Variants in TMEFF1 observed in about 807,000 individuals in gnomAD.
The protein encoded by TMEFF1 is transmembrane protein with EGF like and two follistatin like domains 1, also known as tomoregulin-1.
TMEFF1 carries 20 observed loss-of-function variants against 47.5 expected under a neutral mutation model. That is an observed-to-expected ratio of 0.42 (90% CI 0.30 to 0.61). TMEFF1 has a LOEUF of 0.61. Among genes scored for constraint, TMEFF1 ranks in the 20% least tolerant of loss-of-function variants. The pLI is 0.19. For synonymous variants in TMEFF1, 162 were observed against 166.3 expected (o/e 0.97, Z 0.20); for missense variants, 411 against 471.1 (o/e 0.87, Z 1.18).
Position 100,577,221 on chromosome 9 carries a change from A to G in TMEFF1, c.*621A>G, listed in dbSNP as rs1353164719. On this transcript the variant is annotated 3_prime_UTR_variant, in exon 10 of 10. Transcript: ENST00000374879. ...TGGAACAGATCAATGAAAAGTAGAT[A>G]TAGATATTGTGAAAATAGGCTGTTT... 2 of 152,660 alleles carry G rather than the reference A, an allele frequency of 1.3e-5. No homozygotes were observed. The highest frequency in any genetic ancestry group is 2.9e-5 in the Non-Finnish European group (2 of 68,026). 9.5% of individuals were successfully genotyped at this position (152,660 alleles called of 1,614,324 possible).
intron 8 of TMEFF1, among the ~76,000 whole-genome samples, chr9:100,566,965 G>T (rs1839138325): frequency 6.6e-6 from 1 of 152,094 alleles, no homozygotes; most frequent in South Asian, 2.1e-4. Context: ...TGCGCAGGCT[G>T]GTCTCGAATT....
intron 5 of TMEFF1, among the ~76,000 whole-genome samples, chr9:100,541,990 C>T (rs993012323): frequency 1.5e-4 from 23 of 152,198 alleles, no homozygotes; most frequent in African/African-American, 4.8e-4. Context: ...TTTTATCCAG[C>T]CAACTACCTT....
chr9:100,487,588 A>G (rs578246999), intron 1 of TMEFF1, among the ~76,000 whole-genome samples: 2 of 152,252 alleles, frequency 1.3e-5, no homozygotes, highest in South Asian at 4.1e-4. Context: ...ACCTAGTTTT[A>G]AAAAAATTAT....
chr9:100,505,410 CAAAAAAAA>C (rs60312984), intron 2 of TMEFF1, among the ~76,000 whole-genome samples: 1 of 26,430 alleles, frequency 3.8e-5, no homozygotes, highest in Non-Finnish European at 6.1e-5. Flanking sequence ...GACCCTGTCT[CAAAAAAAA>C]AAAAAAAAAA....
chr9:100,515,675 A>ACT (rs1018917102), intron 4 of TMEFF1, among the ~76,000 whole-genome samples: 1 of 151,986 alleles, frequency 6.6e-6, no homozygotes, highest in African/African-American at 2.4e-5. Context: ...AATCCTGGCT[A>ACT]CTCAGGAGGC....
intron 5 of TMEFF1, among the ~76,000 whole-genome samples, chr9:100,528,350 T>C (rs1446347310): frequency 6.8e-6 from 1 of 147,814 alleles, no homozygotes; most frequent in Non-Finnish European, 1.5e-5. Flanking sequence ...TGAAAAAAAT[T>C]TAGAAGAATG....
chr9:100,563,483 G>A (rs1428365141), intron 8 of TMEFF1, among the ~76,000 whole-genome samples: 1 of 152,200 alleles, frequency 6.6e-6, no homozygotes, highest in African/African-American at 2.4e-5. Context: ...ACAGGTTAAA[G>A]GCTTTGAAAT....
At chr9:100,535,566 T>A (rs1838487031) in intron 5 of TMEFF1, among the ~76,000 whole-genome samples, 1 of 151,986 alleles carries the variant, frequency 6.6e-6, no homozygotes, top group Non-Finnish European at 1.5e-5. Context: ...GGGTCAGGAG[T>A]TGGAGACCAG....
intron 4 of TMEFF1, among the ~76,000 whole-genome samples, chr9:100,516,321 G>T (rs944931493): frequency 3.9e-5 from 6 of 152,118 alleles, no homozygotes; most frequent in Non-Finnish European, 8.8e-5. Context: ...CAACAGGAGG[G>T]TAATCACAGG....
In TMEFF1 at chr9:100,547,750, A is replaced by C. The variant is rs777624885; in HGVS notation, c.567A>C (p.Val189=). The C allele has an allele frequency of 6.3e-7, 1 of 1,577,290 alleles. No homozygotes were observed. Among genetic ancestry groups the C allele is most frequent in the Admixed American group, 1.9e-5 (1 of 53,250 alleles). The part of the protein sequence containing the change: ...CDEDAENVGC[V]CNIDCSGYSF... ...TTTTTGTCTTTTCCAACAGGTGTGT[A>C]TGTAATATAGATTGCAGTGGATACA... The change falls in exon 6 of 10, where the codon GTA becomes GTC. Residue 189 remains valine, a synonymous_variant. Transcript: ENST00000374879.
At chr9:100,548,045 A>G (rs890556088) in intron 6 of TMEFF1, among the ~76,000 whole-genome samples, 153 bp downstream of exon 6, 4 of 151,866 alleles carry the variant, frequency 2.6e-5, no homozygotes, top group Non-Finnish European at 5.9e-5. Context: ...TTTATTACTA[A>G]TTTAGTTTTT....
chr9:100,527,392 G>A lies in TMEFF1; in HGVS notation c.560+10621G>A, dbSNP rs139713710. On this transcript the variant is annotated intron_variant, in intron 5 of 9. Transcript: ENST00000374879. ...AGGTCAGTGGGTGCGCGCACAGTGC[G>A]TGAGCCGAAGCAGGGCGAGGCATTG... Among the ~76,000 whole-genome samples, 218 of 152,322 alleles carry A rather than the reference G, an allele frequency of 1.4e-3. 1 individual carries two copies. The East Asian group carries it at 0.037, about 26-fold the overall frequency.
intron 1 of TMEFF1, among the ~76,000 whole-genome samples, chr9:100,479,823 G>A (rs1837306303): frequency 6.6e-6 from 1 of 152,154 alleles, no homozygotes; most frequent in African/African-American, 2.4e-5. Context: ...TAATGCTGCT[G>A]TAACATTCAT....
At chr9:100,507,988 A>G (rs1348000405) in intron 2 of TMEFF1, among the ~76,000 whole-genome samples, 1 of 152,166 alleles carries the variant, frequency 6.6e-6, no homozygotes. Context: ...TAGAACCAAA[A>G]CTGGTGTAGT....
chr9:100,480,772 A>G (rs1350214867), intron 1 of TMEFF1, among the ~76,000 whole-genome samples: 1 of 152,224 alleles, frequency 6.6e-6, no homozygotes, highest in Non-Finnish European at 1.5e-5. Context: ...TGGCTAAAAT[A>G]GATATCATTT....
At chr9:100,477,620 C>CTTTT (rs869245620) in intron 1 of TMEFF1, among the ~76,000 whole-genome samples, 13 of 106,752 alleles carry the variant, frequency 1.2e-4, no homozygotes, top group East Asian at 2.9e-4. Flanking sequence ...TGCATTCCGC[C>CTTTT]TTTTTTTTTT....
At chr9:100,573,458 A>T (rs959071041) in intron 9 of TMEFF1, among the ~76,000 whole-genome samples, 2 of 152,220 alleles carry the variant, frequency 1.3e-5, no homozygotes, top group African/African-American at 2.4e-5. Context: ...TACATAAGTC[A>T]GACTGAACTG....
chr9:100,478,744 G>A (rs1837283245), intron 1 of TMEFF1, among the ~76,000 whole-genome samples: 1 of 152,100 alleles, frequency 6.6e-6, no homozygotes. Flanking sequence ...CTTGAATTTA[G>A]GAGACCAGGT....
intron 5 of TMEFF1, among the ~76,000 whole-genome samples, chr9:100,518,921 C>T (rs1838115382): frequency 1.3e-5 from 2 of 151,978 alleles, no homozygotes; most frequent in Admixed American, 1.3e-4. Context: ...AAATGGAAAG[C>T]TGCAGAAATA....
Sources: allele counts gnomAD v4.1 joint callset (sites outside exome capture counted in the v4.1 genomes callset), GRCh38; gene constraint gnomAD v4.1.1; transcripts MANE v1.5; gene names NCBI Gene and HGNC (gene_info 2026-07-23, HGNC 2026-07-21).